The following BCAT1 variants were observed in gnomAD, a reference collection of about 807,000 sequenced individuals.
The protein encoded by BCAT1 is branched chain amino acid transaminase 1.
Under a neutral mutation model 52.4 loss-of-function variants are expected in BCAT1, and 48 were observed. The ratio of observed to expected loss-of-function variants is 0.92; its 90% CI spans 0.73 to 1.16. BCAT1 has a LOEUF of 1.16. Ranked by LOEUF, BCAT1 falls within the 50% of genes most tolerant of loss-of-function variation. The pLI is 0.00. For synonymous variants in BCAT1, 167 were observed against 161.3 expected (o/e 1.04, Z -0.27); for missense variants, 451 against 457.1 (o/e 0.99, Z 0.12).
chr12:24,812,411 T>A lies in BCAT1; in HGVS notation c.*5597A>T, dbSNP rs1939718548. The A allele has an allele frequency of 6.6e-6, 1 of 151,982 alleles. No individual in the cohort carries two copies. Among genetic ancestry groups the A allele is most frequent in the Non-Finnish European group, 1.5e-5 (1 of 67,892 alleles). The allele number at this position is 151,982 out of a possible 1,614,324, so 9.4% of individuals were successfully genotyped here. A position where few individuals can be genotyped will look rare whatever the true frequency, so the allele number is the denominator to read the frequency against. ...TCTTAGAATAAAATGGTTGAAGAAATGACACAATAGATATTACTTACTATG... is the reference window on the plus strand; with the variant it reads ...TCTTAGAATAAAATGGTTGAAGAAAAGACACAATAGATATTACTTACTATG... On this transcript the variant is annotated 3_prime_UTR_variant, in exon 11 of 11. Coordinates refer to ENST00000261192, the MANE Select transcript of BCAT1 (RefSeq NM_005504.7).
chr12:24,926,125 C>G (rs996463959), intron 1 of BCAT1, among the ~76,000 whole-genome samples: 3 of 152,002 alleles, frequency 2.0e-5, no homozygotes, highest in Admixed American at 1.3e-4. Context: ...TCCCGGCTGC[C>G]ATCCCGTCTA....
chr12:24,844,431 CAAAA>C lies in BCAT1; in HGVS notation c.675-2211_675-2208del, dbSNP rs199971467. 7.5e-3 allele frequency among the ~76,000 whole-genome samples: 1,128 copies of C among 150,768 alleles called. 9 individuals carry two copies. The highest frequency in any genetic ancestry group is 0.027 in the African/African-American group (1,093 of 41,182). ...GGGCAACAAGAGCAAAATTCCGTCT[CAAAA>C]AAATAAATAAATAAATAAATAATAA... On this transcript the variant is annotated intron_variant, in intron 6 of 10. Transcript: ENST00000261192.
chr12:24,871,621 G>A (rs1240282515), intron 5 of BCAT1, among the ~76,000 whole-genome samples: 1 of 152,172 alleles, frequency 6.6e-6, no homozygotes, highest in Non-Finnish European at 1.5e-5. Flanking sequence ...AATGAAGATA[G>A]AAGGGAATAA....
chr12:24,882,595 TTA>T (rs1298676247), intron 3 of BCAT1, among the ~76,000 whole-genome samples: 19 of 144,144 alleles, frequency 1.3e-4, no homozygotes, highest in African/African-American at 4.8e-4. Flanking sequence ...TTTTTATTAT[TTA>T]TTTTTTTTTT....
At chr12:24,906,519 T>C (rs1943228732) in intron 1 of BCAT1, among the ~76,000 whole-genome samples, 2 of 152,292 alleles carry the variant, frequency 1.3e-5, no homozygotes, top group East Asian at 3.9e-4. Context: ...TTTTCTCCGC[T>C]GTAAAATGAG....
At chr12:24,824,460 G>A (rs770230754) in intron 10 of BCAT1, among the ~76,000 whole-genome samples, 10 of 152,056 alleles carry the variant, frequency 6.6e-5, no homozygotes, top group Non-Finnish European at 1.2e-4. Flanking sequence ...CACCACACTT[G>A]CTATTTTTTT....
chr12:24,827,585 A>C (rs113257165), intron 10 of BCAT1, among the ~76,000 whole-genome samples: 15,502 of 152,202 alleles, frequency 0.1, 1,427 homozygotes, highest in African/African-American at 0.24. Context: ...TGAGGCTAGG[A>C]GTTTGAGACC....
At chr12:24,827,907 TTTA>T (rs1469567627) in intron 10 of BCAT1, among the ~76,000 whole-genome samples, 1 of 120,236 alleles carries the variant, frequency 8.3e-6, no homozygotes, top group Admixed American at 8.3e-5. Flanking sequence ...CTTTTAAACT[TTTA>T]TTTTTATTTT....
At chr12:24,834,154 A>G (rs1283817500) in intron 8 of BCAT1, 1 of 980,846 alleles carries the variant, frequency 1.0e-6, no homozygotes. Flanking sequence ...AATAAAGAAC[A>G]GACTGAGTTC....
chr12:24,925,921 G>A (rs1943572757), intron 1 of BCAT1, among the ~76,000 whole-genome samples: 1 of 152,212 alleles, frequency 6.6e-6, no homozygotes, highest in South Asian at 2.1e-4. Flanking sequence ...GAGTGTAGTG[G>A]CGTGATCTCG....
chr12:24,931,840 A>G (rs531176864), intron 1 of BCAT1, among the ~76,000 whole-genome samples: 2 of 152,346 alleles, frequency 1.3e-5, no homozygotes, highest in Non-Finnish European at 2.9e-5. Flanking sequence ...CACGATTCAG[A>G]AAACCGGGGA....
intron 6 of BCAT1, among the ~76,000 whole-genome samples, chr12:24,846,401 A>G (rs2139450787): frequency 6.6e-6 from 1 of 152,372 alleles, no homozygotes; most frequent in Non-Finnish European, 1.5e-5. Context: ...TGTGCTGCCA[A>G]TATTCATAAG....
chr12:24,902,987 A>T, intron 1 of BCAT1: 1 of 1,474,084 alleles, frequency 6.8e-7, no homozygotes, highest in Non-Finnish European at 8.9e-7. Flanking sequence ...CGGGCTGGCC[A>T]TGGGGAGGCT....
intron 2 of BCAT1, among the ~76,000 whole-genome samples, chr12:24,896,907 A>T (rs1942973070): frequency 6.6e-6 from 1 of 152,184 alleles, no homozygotes; most frequent in Non-Finnish European, 1.5e-5. Context: ...AATACTGAAG[A>T]TGTCTGGCTG....
intron 6 of BCAT1, among the ~76,000 whole-genome samples, chr12:24,844,668 C>A (rs546457134): frequency 6.8e-6 from 1 of 146,768 alleles, no homozygotes; most frequent in Non-Finnish European, 1.5e-5. Flanking sequence ...GGAGGCGAGA[C>A]GGCCGGATCA....
chr12:24,831,274 T>C (rs141533004), intron 9 of BCAT1, among the ~76,000 whole-genome samples: 4 of 152,216 alleles, frequency 2.6e-5, no homozygotes, highest in African/African-American at 7.2e-5. Context: ...ATACAAAATA[T>C]GTGCCAATCG....
At chr12:24,818,755 G>C (rs1308736594) in intron 10 of BCAT1, among the ~76,000 whole-genome samples, 1 of 152,096 alleles carries the variant, frequency 6.6e-6, no homozygotes, top group African/African-American at 2.4e-5. Context: ...TTCATTCTTT[G>C]CATCAGCAAA....
At chr12:24,856,235 C>T (rs543526505) in intron 5 of BCAT1, among the ~76,000 whole-genome samples, 1 of 152,302 alleles carries the variant, frequency 6.6e-6, no homozygotes, top group Admixed American at 6.5e-5. Context: ...GCTTACTGCA[C>T]TGGGTGAAAT....
chr12:24,895,302 A>G (rs572900263), intron 2 of BCAT1, among the ~76,000 whole-genome samples: 2 of 152,150 alleles, frequency 1.3e-5, no homozygotes, highest in South Asian at 2.1e-4. Flanking sequence ...CGAGGCATGC[A>G]GATCACAAGG....
Sources: gnomAD v4.1 joint callset for allele counts (sites outside exome capture counted in the v4.1 genomes callset) on GRCh38, gnomAD v4.1.1 for gene constraint, MANE v1.5 for transcripts, NCBI Gene and HGNC (gene_info 2026-07-23, HGNC 2026-07-21) for gene names.